The following CNTN4 variants were observed in gnomAD, a reference collection of about 807,000 sequenced individuals.
CNTN4 encodes the protein contactin 4, also known as contactin-4.
In CNTN4, 77 loss-of-function variants were observed where a neutral mutation model predicts 122.5. The ratio of observed to expected loss-of-function variants is 0.63; its 90% CI spans 0.52 to 0.76. CNTN4 has a LOEUF of 0.76. CNTN4 is among the 30% of genes least tolerant of loss of function. CNTN4 has a pLI of 0.00. For missense variants in CNTN4, 1,256 were observed against 1,259.1 expected, an observed-to-expected ratio of 1.00 and a Z score of 0.04; for synonymous variants, 512 against 447.0, an observed-to-expected ratio of 1.15 and a Z score of -1.83.
chr3:2,370,450 C>G (rs2045589091), intron 3 of CNTN4, among the ~76,000 whole-genome samples: 1 of 152,098 alleles, frequency 6.6e-6, no homozygotes, highest in African/African-American at 2.4e-5. Flanking sequence ...AGTATAATGA[C>G]ATCCAAAAGA....
intron 4 of CNTN4, among the ~76,000 whole-genome samples, chr3:2,656,570 G>A (rs539131122): frequency 7.9e-5 from 12 of 152,278 alleles, no homozygotes; most frequent in East Asian, 7.7e-4. Flanking sequence ...AGCATAATGC[G>A]GACTAACTTA....
intron 4 of CNTN4, among the ~76,000 whole-genome samples, chr3:2,576,049 A>C (rs941734019): frequency 2.0e-5 from 3 of 151,846 alleles, no homozygotes; most frequent in Non-Finnish European, 4.4e-5. Context: ...GTTAGCCAGG[A>C]TGGTCTCGAT....
intron 3 of CNTN4, among the ~76,000 whole-genome samples, chr3:2,568,793 G>A (rs557260270): frequency 5.9e-5 from 9 of 152,204 alleles, no homozygotes; most frequent in East Asian, 5.8e-4. Context: ...AATAGGATTC[G>A]TGAAATTCTT....
At chr3:2,107,909 C>A (rs1034658817) in intron 2 of CNTN4, among the ~76,000 whole-genome samples, 1 of 152,156 alleles carries the variant, frequency 6.6e-6, no homozygotes, top group African/African-American at 2.4e-5. Flanking sequence ...TACCCAGGCA[C>A]ATAGAGCTCT....
At chr3:2,277,277 C>T (rs910601202) in intron 2 of CNTN4, among the ~76,000 whole-genome samples, 1 of 150,264 alleles carries the variant, frequency 6.7e-6, no homozygotes, top group African/African-American at 2.5e-5. Context: ...CAAACTTATT[C>T]CTGGAAGACG....
At chr3:2,988,523 T>A in intron 14 of CNTN4, 51 bp downstream of exon 14, 1 of 1,591,740 alleles carries the variant, frequency 6.3e-7, no homozygotes, top group Middle Eastern at 1.7e-4. Flanking sequence ...TCCTCGTGTC[T>A]AATAATGTAA....
intron 6 of CNTN4, among the ~76,000 whole-genome samples, chr3:2,815,873 CATATATAT>C (rs58111735): frequency 1.4e-5 from 2 of 141,230 alleles, no homozygotes; most frequent in African/African-American, 6.1e-5. Context: ...GAAACTATGG[CATATATAT>C]ATATATATAT....
intron 2 of CNTN4, among the ~76,000 whole-genome samples, chr3:2,172,455 A>T (rs1379485544): frequency 6.6e-6 from 1 of 152,022 alleles, no homozygotes; most frequent in Admixed American, 6.6e-5. Context: ...TACAGTGTTC[A>T]TTGCTTGGGT....
chr3:2,468,608 A>G (rs978896240), intron 3 of CNTN4, among the ~76,000 whole-genome samples: 1 of 152,186 alleles, frequency 6.6e-6, no homozygotes, highest in Non-Finnish European at 1.5e-5. Flanking sequence ...ATTTTATGCT[A>G]TATTACTATT....
rs151262147 is a variant in CNTN4 at position 2,255,340 on chromosome 3, A to T, written c.-144-83838A>T. ...GACTCTTACACAGTAATAGTGTGAG[A>T]CTTTAACACCCCACTGTCAATATTA... On this transcript the variant is annotated intron_variant, in intron 2 of 24. Coordinates refer to ENST00000418658, the MANE Select transcript of CNTN4 (RefSeq NM_175607.3). Among the ~76,000 whole-genome samples, 154 of 152,234 alleles carry T rather than the reference A, an allele frequency of 1.0e-3. 1 individual carries two copies. Among genetic ancestry groups the T allele is most frequent in the African/African-American group, 3.6e-3 (150 of 41,546 alleles).
intron 3 of CNTN4, among the ~76,000 whole-genome samples, chr3:2,447,081 C>A (rs2048654356): frequency 6.6e-6 from 1 of 152,192 alleles, no homozygotes; most frequent in Non-Finnish European, 1.5e-5. Context: ...TTGACACTAT[C>A]ATTATTCCTC....
At chr3:2,633,682 C>T (rs1263127443) in intron 4 of CNTN4, among the ~76,000 whole-genome samples, 1 of 152,166 alleles carries the variant, frequency 6.6e-6, no homozygotes, top group African/African-American at 2.4e-5. Flanking sequence ...TCATAGTAGT[C>T]CACCGCCTAT....
chr3:2,621,384 A>G (rs542084971), intron 4 of CNTN4, among the ~76,000 whole-genome samples: 13 of 152,218 alleles, frequency 8.5e-5, no homozygotes, highest in African/African-American at 2.6e-4. Flanking sequence ...TAACTTTTGT[A>G]TCTTATAAAA....
intron 13 of CNTN4, among the ~76,000 whole-genome samples, chr3:2,987,079 G>A (rs1208325173): frequency 6.6e-6 from 1 of 152,210 alleles, no homozygotes; most frequent in African/African-American, 2.4e-5. Flanking sequence ...AAGGTGAGAA[G>A]GTGACAGCTA....
At chr3:2,139,395 G>C (rs2034875988) in intron 2 of CNTN4, among the ~76,000 whole-genome samples, 1 of 152,126 alleles carries the variant, frequency 6.6e-6, no homozygotes, top group Admixed American at 6.5e-5. Context: ...ATATCCTCCT[G>C]TTGGGCACAG....
At chr3:2,783,837 C>T (rs1480501535) in intron 6 of CNTN4, among the ~76,000 whole-genome samples, 2 of 152,180 alleles carry the variant, frequency 1.3e-5, no homozygotes, top group Admixed American at 1.3e-4. Flanking sequence ...ACCAGGTTGA[C>T]ACTTAATGAA....
chr3:2,980,748 A>G (rs530112751), intron 13 of CNTN4, among the ~76,000 whole-genome samples: 34 of 152,272 alleles, frequency 2.2e-4, no homozygotes, highest in Middle Eastern at 3.4e-3. Flanking sequence ...GAACATTCAA[A>G]TGGGACTTCC....
intron 16 of CNTN4, among the ~76,000 whole-genome samples, chr3:3,032,604 T>C (rs1364551368): frequency 1.3e-5 from 2 of 152,224 alleles, no homozygotes; most frequent in African/African-American, 4.8e-5. Context: ...CTGAAAGACA[T>C]TTTCATATTT....
At chr3:2,375,447 T>G (rs1018369089) in intron 3 of CNTN4, among the ~76,000 whole-genome samples, 6 of 152,168 alleles carry the variant, frequency 3.9e-5, no homozygotes, top group African/African-American at 1.2e-4. Flanking sequence ...CCCTATTTTC[T>G]AAGGGACTTT....
Sources: gnomAD v4.1 joint callset for allele counts (sites outside exome capture counted in the v4.1 genomes callset) on GRCh38, gnomAD v4.1.1 for gene constraint, MANE v1.5 for transcripts, NCBI Gene and HGNC (gene_info 2026-07-23, HGNC 2026-07-21) for gene names.